Variants in MTHFD1L observed in about 807,000 individuals in gnomAD.
MTHFD1L encodes the protein methylenetetrahydrofolate dehydrogenase (NADP+ dependent) 1 like.
Under a neutral mutation model 119.5 loss-of-function variants are expected in MTHFD1L, and 81 were observed. That is an observed-to-expected ratio of 0.68 (90% CI 0.57 to 0.82). MTHFD1L has a LOEUF of 0.82. MTHFD1L is among the 40% of genes least tolerant of loss of function. The pLI, the probability that MTHFD1L is intolerant of heterozygous loss-of-function variation, is 0.00. For synonymous variants in MTHFD1L, 430 were observed against 475.2 expected, an observed-to-expected ratio of 0.90 and a Z score of 1.24; for missense variants, 1,125 against 1,253.4, an observed-to-expected ratio of 0.90 and a Z score of 1.55.
intron 2 of MTHFD1L, among the ~76,000 whole-genome samples, chr6:150,876,479 C>T (rs1780462299): frequency 6.6e-6 from 1 of 152,114 alleles, no homozygotes; most frequent in Non-Finnish European, 1.5e-5. Context: ...CAAATGCTTA[C>T]CAAATGTGAT....
intron 24 of MTHFD1L, among the ~76,000 whole-genome samples, chr6:151,026,730 C>T (rs1784646361): frequency 6.6e-6 from 1 of 151,824 alleles, no homozygotes; most frequent in Non-Finnish European, 1.5e-5. Context: ...CACTATGTCC[C>T]ACTCAGCCCT....
intron 19 of MTHFD1L, 52 bp downstream of exon 19, chr6:150,965,089 C>G (rs922487364): frequency 2.0e-6 from 3 of 1,497,770 alleles, no homozygotes; most frequent in Non-Finnish European, 2.8e-6. Context: ...GATTGCCACA[C>G]AATGTGAACA....
chr6:151,029,195 C>T (rs1009623331), intron 24 of MTHFD1L, among the ~76,000 whole-genome samples: 7 of 151,762 alleles, frequency 4.6e-5, no homozygotes, highest in Non-Finnish European at 1.0e-4. Flanking sequence ...CCGAGGCAGG[C>T]AGATCACCTG....
chr6:150,910,189 TA>T (rs557489289), intron 8 of MTHFD1L, among the ~76,000 whole-genome samples: 3 of 136,046 alleles, frequency 2.2e-5, no homozygotes, highest in Admixed American at 7.4e-5. Context: ...CTCAAAAAAT[TA>T]AAAAAAAAAT....
At chr6:150,929,465 A>C (rs909064589) in intron 11 of MTHFD1L, among the ~76,000 whole-genome samples, 1 of 152,206 alleles carries the variant, frequency 6.6e-6, no homozygotes, top group Non-Finnish European at 1.5e-5. Flanking sequence ...TGTCAATAAA[A>C]TCAGAAATCC....
intron 26 of MTHFD1L, among the ~76,000 whole-genome samples, chr6:151,056,362 A>G (rs1041879743): frequency 6.6e-6 from 1 of 152,132 alleles, no homozygotes; most frequent in Non-Finnish European, 1.5e-5. Context: ...ATGGGAGCAC[A>G]CTCCATCGGC....
intron 26 of MTHFD1L, among the ~76,000 whole-genome samples, chr6:151,058,505 G>A (rs1790256962): frequency 6.6e-6 from 1 of 152,242 alleles, no homozygotes; most frequent in Non-Finnish European, 1.5e-5. Flanking sequence ...TACATTTGCA[G>A]ATTTTCAGTA....
intron 26 of MTHFD1L, among the ~76,000 whole-genome samples, chr6:151,067,670 G>T (rs986678373): frequency 6.6e-6 from 1 of 152,206 alleles, no homozygotes; most frequent in South Asian, 2.1e-4. Flanking sequence ...TGAGTAATGG[G>T]TGCCAGAAAT....
In MTHFD1L at chr6:151,028,283, A is replaced by G. The variant is rs1300182603; in HGVS notation, c.2587-6210A>G. Among the ~76,000 whole-genome samples the G allele has an allele frequency of 2.0e-5, 3 of 152,120 alleles. No individual in the cohort carries two copies. In the East Asian group the frequency reaches 5.8e-4, roughly 29 times the overall value. On this transcript the variant is annotated intron_variant, in intron 24 of 27. Transcript: ENST00000367321. Reference sequence around the variant, plus strand: ...CAAAACACTTTCCAATAAACATTGGAAAGGAAGAAAGTTTAGTTGGTAACA... The same window carrying G: ...CAAAACACTTTCCAATAAACATTGGGAAGGAAGAAAGTTTAGTTGGTAACA...
chr6:151,019,120 G>C (rs564658086), intron 24 of MTHFD1L, among the ~76,000 whole-genome samples: 1 of 152,290 alleles, frequency 6.6e-6, no homozygotes, highest in South Asian at 2.1e-4. Flanking sequence ...CCTGGGTAAG[G>C]CTTGCCAGGG....
intron 8 of MTHFD1L, among the ~76,000 whole-genome samples, chr6:150,908,160 G>A (rs1303282139): frequency 2.0e-5 from 3 of 150,098 alleles, no homozygotes; most frequent in African/African-American, 4.9e-5. Context: ...CACCCACCTC[G>A]GCCTCCCAGA....
intron 26 of MTHFD1L, among the ~76,000 whole-genome samples, chr6:151,045,348 C>T (rs1472049718): frequency 6.6e-6 from 1 of 152,182 alleles, no homozygotes. Flanking sequence ...CCCAGCAGGT[C>T]CGCCAGGACC....
At chr6:150,883,828 A>G (rs186847213) in intron 5 of MTHFD1L, among the ~76,000 whole-genome samples, 241 of 152,278 alleles carry the variant, frequency 1.6e-3, no homozygotes, top group African/African-American at 5.4e-3. Context: ...GGCCAAAAAG[A>G]ACACAATGTG....
At chr6:151,095,436 C>T (rs1794819429) in intron 27 of MTHFD1L, among the ~76,000 whole-genome samples, 1 of 152,204 alleles carries the variant, frequency 6.6e-6, no homozygotes. Context: ...CTCTCTTGGA[C>T]AGTATTTTTC....
At chr6:150,891,228 C>T (rs986544955) in intron 7 of MTHFD1L, among the ~76,000 whole-genome samples, 5 of 152,130 alleles carry the variant, frequency 3.3e-5, no homozygotes, top group African/African-American at 4.8e-5. Context: ...TCAGGTGATC[C>T]GCCCACCTCG....
At chr6:151,099,197 G>C (rs912030463) in intron 27 of MTHFD1L, among the ~76,000 whole-genome samples, 2 of 150,052 alleles carry the variant, frequency 1.3e-5, no homozygotes, top group African/African-American at 4.9e-5. Flanking sequence ...AAAAAAGTGG[G>C]ACCACATACT....
At chr6:151,023,052 T>G (rs1164274961) in intron 24 of MTHFD1L, among the ~76,000 whole-genome samples, 4 of 150,124 alleles carry the variant, frequency 2.7e-5, no homozygotes, top group Admixed American at 6.6e-5. Flanking sequence ...TTTTGGGTTT[T>G]TTTTTTTTTT....
intron 24 of MTHFD1L, among the ~76,000 whole-genome samples, chr6:151,020,807 G>A (rs1234761274): frequency 5.9e-5 from 9 of 151,960 alleles, no homozygotes; most frequent in South Asian, 2.1e-4. Context: ...TATCTTTATC[G>A]TTCACTAAGA....
intron 16 of MTHFD1L, among the ~76,000 whole-genome samples, chr6:150,953,474 A>T (rs952588453): frequency 6.6e-6 from 1 of 152,204 alleles, no homozygotes; most frequent in African/African-American, 2.4e-5. Flanking sequence ...GACTAGGCAC[A>T]AGTAGCCCCT....
Sources: allele counts gnomAD v4.1 joint callset (sites outside exome capture counted in the v4.1 genomes callset), GRCh38; gene constraint gnomAD v4.1.1; transcripts MANE v1.5; gene names NCBI Gene and HGNC (gene_info 2026-07-23, HGNC 2026-07-21).